FUT8: variants seen among roughly 807,000 people sequenced by gnomAD.
The protein encoded by FUT8 is fucosyltransferase 8, also known as alpha-(1,6)-fucosyltransferase.
A neutral mutation model predicts 71.3 loss-of-function variants in FUT8; 29 were observed. The observed-to-expected ratio is 0.41, with a 90% confidence interval of 0.30 to 0.55. The LOEUF is 0.55. Among genes scored for constraint, FUT8 ranks in the 20% least tolerant of loss-of-function variants. The pLI is 0.34. For synonymous variants in FUT8, 254 were observed against 239.3 expected (o/e 1.06, Z -0.57); for missense variants, 544 against 702.1 (o/e 0.77, Z 2.55).
intron 3 of FUT8, among the ~76,000 whole-genome samples, chr14:65,585,168 T>C (rs930676324): frequency 1.3e-5 from 2 of 152,066 alleles, no homozygotes; most frequent in African/African-American, 4.8e-5. Flanking sequence ...GATTGATTTC[T>C]ATATTATTTA....
chr14:65,636,396 G>T (rs1890557870), intron 6 of FUT8: 1 of 151,824 alleles, frequency 6.6e-6, no homozygotes, highest in African/African-American at 2.4e-5. Context: ...TTTGGGTTTG[G>T]TTTGTTCTTG....
the FUT8 span, among the ~76,000 whole-genome samples, chr14:65,377,389 C>T: frequency 1.3e-5 from 2 of 151,896 alleles, no homozygotes; most frequent in Admixed American, 6.6e-5. Flanking sequence ...ATATTCTTGC[C>T]TGGTGGTAAA....
the FUT8 span, among the ~76,000 whole-genome samples, chr14:65,384,936 GGCTGGAGT>G: frequency 6.6e-6 from 1 of 150,376 alleles, no homozygotes; most frequent in African/African-American, 2.4e-5. This position sits in a 1 kb window ranked among gnomAD's most constrained non-coding sequence, Gnocchi z 4.2. Context: ...TTGTTGCCCA[GGCTGGAGT>G]GCAATGGCAT....
At chr14:65,434,394 C>T (rs921659529) in intron 1 of FUT8, among the ~76,000 whole-genome samples, 2 of 152,216 alleles carry the variant, frequency 1.3e-5, no homozygotes, top group Admixed American at 6.5e-5. Flanking sequence ...CTCTGACAGG[C>T]TTATCTCTGG....
At chr14:65,699,143 T>A (rs1894150473) in intron 7 of FUT8, among the ~76,000 whole-genome samples, 1 of 102,118 alleles carries the variant, frequency 9.8e-6, no homozygotes, top group South Asian at 3.4e-4. Flanking sequence ...CTCCCTCCCT[T>A]CTACACACAC....
chr14:65,480,396 C>T (rs1411536944), intron 2 of FUT8, among the ~76,000 whole-genome samples: 1 of 150,560 alleles, frequency 6.6e-6, no homozygotes, highest in Non-Finnish European at 1.5e-5. Flanking sequence ...CTCACTGCAG[C>T]CTCAACCTCC....
intron 1 of FUT8, among the ~76,000 whole-genome samples, chr14:65,444,557 G>A (rs550427368): frequency 2.6e-4 from 39 of 152,274 alleles, no homozygotes; most frequent in African/African-American, 9.1e-4. Context: ...AAATATTAAT[G>A]TGTGAATGGA....
the FUT8 span, among the ~76,000 whole-genome samples, chr14:65,364,390 A>G: frequency 6.6e-6 from 1 of 152,050 alleles, no homozygotes; most frequent in African/African-American, 2.4e-5. Flanking sequence ...TTTAGTAGAG[A>G]CGGGGTTTCA....
chr14:65,659,191 T>G lies in FUT8; in HGVS notation c.598-10052T>G, dbSNP rs193168840. 5.5e-4 allele frequency among the ~76,000 whole-genome samples: 83 copies of G among 151,470 alleles called. 1 individual carries two copies. In the East Asian group the frequency reaches 0.015, roughly 28 times the overall value. On this transcript the variant is annotated intron_variant, in intron 6 of 10. Coordinates refer to ENST00000673929, the MANE Select transcript of FUT8 (RefSeq NM_001371533.1). ...TCTTGAGGTGTTTTTTGTTTTTTGT[T>G]TTGTTTTTTTTTCATTAAAAAAACA...
chr14:65,582,808 T>TTGAA (rs988704342), intron 3 of FUT8, among the ~76,000 whole-genome samples: 17 of 152,312 alleles, frequency 1.1e-4, no homozygotes, highest in South Asian at 4.1e-4. Flanking sequence ...TAAATGCTCA[T>TTGAA]TGAATGAATG....
At position 65,483,325 on chromosome 14, in the gene FUT8, A is replaced by G. The variant is rs994536453; in HGVS notation, c.-228+27607A>G. Among the ~76,000 whole-genome samples the G allele has an allele frequency of 1.4e-4, 22 of 152,202 alleles. No homozygotes were observed. Among genetic ancestry groups the G allele is most frequent in the African/African-American group, 4.8e-4 (20 of 41,466 alleles). On this transcript the variant is annotated intron_variant, in intron 2 of 10. Transcript: ENST00000673929. This position sits in a 1 kb window ranked among gnomAD's most constrained non-coding sequence, Gnocchi z 4.4. ...GCCTAGGGAGCATTGGCTACTCTTA[A>G]GAGTTCTCTTTATTTCTCATTAGTT...
At chr14:65,609,628 TA>T (rs1888774709) in intron 3 of FUT8, among the ~76,000 whole-genome samples, 1 of 151,952 alleles carries the variant, frequency 6.6e-6, no homozygotes, top group Non-Finnish European at 1.5e-5. Flanking sequence ...TTTATACTAG[TA>T]CCTCACTGTC....
chr14:65,451,895 G>A lies in FUT8; in HGVS notation c.-325-3726G>A, dbSNP rs556237895. On this transcript the variant is annotated intron_variant, in intron 1 of 10. Transcript: ENST00000673929. ...GCACAGGATGGGATGGGGCAGGACC[G>A]TGGGTGATTTAGGAAAAGGCAACAT... 7.9e-5 allele frequency among the ~76,000 whole-genome samples: 12 copies of A among 152,272 alleles called. No individual in the cohort carries two copies. The South Asian group carries it at 8.3e-4, about 11-fold the overall frequency.
At chr14:65,577,788 A>G (rs983860242) in intron 3 of FUT8, among the ~76,000 whole-genome samples, 46 of 152,162 alleles carry the variant, frequency 3.0e-4, no homozygotes, top group Admixed American at 3.3e-4. Context: ...CAATAAATGT[A>G]TTTATTGAAA....
the FUT8 span, among the ~76,000 whole-genome samples, chr14:65,363,516 C>T: frequency 1.3e-5 from 2 of 152,158 alleles, no homozygotes; most frequent in African/African-American, 2.4e-5. Context: ...CTCGGTTTTC[C>T]AAAGTGCCGA....
chr14:65,532,311 A>T (rs1884008864), intron 2 of FUT8, among the ~76,000 whole-genome samples: 2 of 152,116 alleles, frequency 1.3e-5, no homozygotes, highest in Admixed American at 6.5e-5. Context: ...AATAATAGCC[A>T]TTCTGACTAA....
At chr14:65,465,571 G>C (rs147285242) in intron 2 of FUT8, among the ~76,000 whole-genome samples, 124 of 152,288 alleles carry the variant, frequency 8.1e-4, no homozygotes, top group Middle Eastern at 3.4e-3. Context: ...TAAGTGAGCT[G>C]TTTAAACATC....
intron 1 of FUT8, among the ~76,000 whole-genome samples, chr14:65,428,305 G>A (rs75286769): frequency 6.6e-6 from 1 of 152,070 alleles, no homozygotes; most frequent in Non-Finnish European, 1.5e-5. Context: ...GAATTCTTAC[G>A]TTGAGACCTA....
At chr14:65,384,722 T>G in the FUT8 span, among the ~76,000 whole-genome samples, 1 of 152,186 alleles carries the variant, frequency 6.6e-6, no homozygotes, top group African/African-American at 2.4e-5. This position sits in a 1 kb window ranked among gnomAD's most constrained non-coding sequence, Gnocchi z 4.2. Flanking sequence ...TTTAAATGCA[T>G]TTTCATGTTA....
Sources: allele counts gnomAD v4.1 joint callset (sites outside exome capture counted in the v4.1 genomes callset), GRCh38; gene constraint gnomAD v4.1.1; non-coding constraint Gnocchi (gnomAD v3.1); transcripts MANE v1.5; gene names NCBI Gene and HGNC (gene_info 2026-07-23, HGNC 2026-07-21).